TAFA1: variants seen among roughly 807,000 people sequenced by gnomAD.
The protein encoded by TAFA1 is TAFA chemokine like family member 1.
A neutral mutation model predicts 18.5 loss-of-function variants in TAFA1; 4 were observed. That is an observed-to-expected ratio of 0.22 (90% CI 0.11 to 0.49). The LOEUF (loss-of-function observed/expected upper bound fraction) is 0.49. Among genes scored for constraint, TAFA1 ranks in the 20% least tolerant of loss-of-function variants. The pLI, the probability that TAFA1 is intolerant of heterozygous loss-of-function variation, is 0.98. For synonymous variants in TAFA1, 56 were observed against 55.2 expected, an observed-to-expected ratio of 1.01 and a Z score of -0.06; for missense variants, 147 against 169.0, an observed-to-expected ratio of 0.87 and a Z score of 0.72.
chr3:68,359,219 T>C (rs149589634), intron 2 of TAFA1, among the ~76,000 whole-genome samples: 170 of 152,148 alleles, frequency 1.1e-3, no homozygotes, highest in Admixed American at 3.5e-3. Context: ...TCAATATTCT[T>C]AAAATCATGT....
At chr3:68,156,579 T>G (rs2065869499) in intron 2 of TAFA1, among the ~76,000 whole-genome samples, 1 of 152,168 alleles carries the variant, frequency 6.6e-6, no homozygotes, top group African/African-American at 2.4e-5. Flanking sequence ...AGCACATATC[T>G]GTTGGGCAAT....
chr3:68,118,629 G>A (rs1176921831), intron 2 of TAFA1, among the ~76,000 whole-genome samples: 1 of 152,124 alleles, frequency 6.6e-6, no homozygotes, highest in Non-Finnish European at 1.5e-5. Context: ...TGCAGTATTT[G>A]TCTTTTTTGT....
chr3:68,221,501 AT>A (rs1049562795), intron 2 of TAFA1, among the ~76,000 whole-genome samples: 1 of 152,092 alleles, frequency 6.6e-6, no homozygotes, highest in African/African-American at 2.4e-5. Flanking sequence ...CAACAATATC[AT>A]TTTTTTAAAT....
rs151155350 is a variant in TAFA1, at chr3:68,458,307, C to G, written c.259+40887C>G. Among the ~76,000 whole-genome samples the G allele has an allele frequency of 2.4e-3, 359 of 152,258 alleles. 3 individuals carry two copies. The highest frequency in any genetic ancestry group is 7.7e-3 in the African/African-American group (318 of 41,546). On this transcript the variant is annotated intron_variant, in intron 3 of 4. Coordinates refer to ENST00000478136, the MANE Select transcript of TAFA1 (RefSeq NM_213609.4). ...TCCACAGCCATGCTTCCTGTACAGT[C>G]TGTGGAGCTATACACCAATTAAACC...
chr3:68,503,858 C>T (rs1032088860), intron 3 of TAFA1, among the ~76,000 whole-genome samples: 1 of 152,004 alleles, frequency 6.6e-6, no homozygotes, highest in African/African-American at 2.4e-5. Flanking sequence ...GAACAAAATG[C>T]TTAATGCTAA....
At chr3:68,397,344 A>G (rs2070401285) in intron 2 of TAFA1, among the ~76,000 whole-genome samples, 1 of 151,976 alleles carries the variant, frequency 6.6e-6, no homozygotes, top group African/African-American at 2.4e-5. Context: ...CCGGTGTGTG[A>G]TGTTCCCCTT....
intron 2 of TAFA1, among the ~76,000 whole-genome samples, chr3:68,302,900 T>C (rs2068331423): frequency 6.6e-6 from 1 of 152,216 alleles, no homozygotes; most frequent in Non-Finnish European, 1.5e-5. Flanking sequence ...ACCTAAGTTC[T>C]ATCCAAGTTC....
chr3:68,296,511 G>T (rs1054627012), intron 2 of TAFA1, among the ~76,000 whole-genome samples: 3 of 151,966 alleles, frequency 2.0e-5, no homozygotes, highest in Non-Finnish European at 4.4e-5. Flanking sequence ...AATATATTTA[G>T]ATTATCCTTA....
At chr3:68,418,032 C>T (rs930404385) in intron 3 of TAFA1, among the ~76,000 whole-genome samples, 4 of 152,098 alleles carry the variant, frequency 2.6e-5, no homozygotes. Context: ...CTGGGGGTTA[C>T]AATTTGACAT....
intron 2 of TAFA1, among the ~76,000 whole-genome samples, chr3:68,183,340 A>T (rs1376310711): frequency 6.6e-6 from 1 of 152,168 alleles, no homozygotes; most frequent in Non-Finnish European, 1.5e-5. Context: ...GCAATGTCAT[A>T]ACATCAGGAA....
At chr3:67,995,608 A>G in the TAFA1 span, among the ~76,000 whole-genome samples, 3 of 152,178 alleles carry the variant, frequency 2.0e-5, no homozygotes, top group African/African-American at 7.2e-5. Flanking sequence ...CCATTACACT[A>G]TGACAAAAAC....
chr3:68,380,200 C>G (rs2069910159), intron 2 of TAFA1, among the ~76,000 whole-genome samples: 1 of 152,116 alleles, frequency 6.6e-6, no homozygotes, highest in Non-Finnish European at 1.5e-5. Context: ...CAAGACTTTG[C>G]TATTGTGAAT....
intron 2 of TAFA1, among the ~76,000 whole-genome samples, chr3:68,164,527 T>A (rs551386285): frequency 6.6e-6 from 1 of 152,108 alleles, no homozygotes; most frequent in Non-Finnish European, 1.5e-5. Flanking sequence ...TTTTGCAGAA[T>A]CTTTTCTTTT....
At chr3:68,134,644 T>C (rs574113687) in intron 2 of TAFA1, among the ~76,000 whole-genome samples, 1 of 152,252 alleles carries the variant, frequency 6.6e-6, no homozygotes, top group East Asian at 1.9e-4. Flanking sequence ...AAGTTAGACT[T>C]TGCTCAGTGC....
intron 3 of TAFA1, among the ~76,000 whole-genome samples, chr3:68,501,426 A>G (rs1413064931): frequency 6.6e-6 from 1 of 152,190 alleles, no homozygotes; most frequent in Admixed American, 6.5e-5. Flanking sequence ...TAATCTGAAA[A>G]TGTTATTAAA....
chr3:68,366,100 A>AAG (rs1553682043), intron 2 of TAFA1, among the ~76,000 whole-genome samples: 4 of 147,892 alleles, frequency 2.7e-5, no homozygotes, highest in East Asian at 1.9e-4. Context: ...AAAAAAAAAA[A>AAG]AAAAGAAACC....
At chr3:68,536,756 A>G (rs1322342726) in intron 3 of TAFA1, among the ~76,000 whole-genome samples, 1 of 152,208 alleles carries the variant, frequency 6.6e-6, no homozygotes, top group African/African-American at 2.4e-5. Context: ...TACATACACT[A>G]AATTCATTGC....
intron 2 of TAFA1, among the ~76,000 whole-genome samples, chr3:68,238,573 G>A (rs2066958273): frequency 2.6e-5 from 4 of 152,126 alleles, no homozygotes; most frequent in Admixed American, 2.6e-4. Context: ...TGACAACTTG[G>A]TAGGGTATTA....
At chr3:68,526,589 T>C (rs996055194) in intron 3 of TAFA1, among the ~76,000 whole-genome samples, 2 of 152,152 alleles carry the variant, frequency 1.3e-5, no homozygotes, top group African/African-American at 4.8e-5. Context: ...GAAAGAGTAC[T>C]TAACTGACAT....
Sources: gnomAD v4.1 joint callset for allele counts (sites outside exome capture counted in the v4.1 genomes callset) on GRCh38, gnomAD v4.1.1 for gene constraint, MANE v1.5 for transcripts, NCBI Gene and HGNC (gene_info 2026-07-23, HGNC 2026-07-21) for gene names.